The following TTLL6 variants were observed in gnomAD, a reference collection of about 807,000 sequenced individuals.
The protein encoded by TTLL6 is tubulin polyglutamylase TTLL6.
In TTLL6, 75 loss-of-function variants were observed where a neutral mutation model predicts 96.4. The ratio of observed to expected loss-of-function variants is 0.78; its 90% CI spans 0.65 to 0.94. The LOEUF (loss-of-function observed/expected upper bound fraction) is 0.94. Among genes scored for constraint, TTLL6 ranks in the 40% least tolerant of loss-of-function variants. The pLI is 0.00. For missense variants in TTLL6, 1,030 were observed against 1,093.0 expected (o/e 0.94, Z 0.81); for synonymous variants, 411 against 419.4 (o/e 0.98, Z 0.24).
chr17:48,796,597 C>A (rs190971626), intron 7 of TTLL6, among the ~76,000 whole-genome samples: 1 of 147,962 alleles, frequency 6.8e-6, no homozygotes, highest in Non-Finnish European at 1.5e-5. Flanking sequence ...CCAGCCTAGG[C>A]GACAAAGCGA....
At chr17:48,816,612 G>A (rs549043293) in intron 1 of TTLL6, among the ~76,000 whole-genome samples, 105 of 152,326 alleles carry the variant, frequency 6.9e-4, no homozygotes, top group African/African-American at 2.5e-3. Flanking sequence ...GACAAAGGAA[G>A]AACAGTGATG....
chr17:48,787,707 T>G, intron 11 of TTLL6, 104 bp downstream of exon 11: 1 of 1,242,738 alleles, frequency 8.0e-7, no homozygotes, highest in Non-Finnish European at 1.1e-6. Flanking sequence ...CTCTGGCAAC[T>G]TTCATGGCTG....
intron 10 of TTLL6, among the ~76,000 whole-genome samples, chr17:48,789,210 T>C (rs778171376): frequency 5.8e-4 from 88 of 152,174 alleles, no homozygotes; most frequent in South Asian, 1.4e-3. Flanking sequence ...TATATAGCTA[T>C]ATATCTGTAA....
At chr17:48,787,127 C>T (rs946325428) in intron 11 of TTLL6, among the ~76,000 whole-genome samples, 2 of 151,896 alleles carry the variant, frequency 1.3e-5, no homozygotes, top group African/African-American at 4.8e-5. Flanking sequence ...CCGCGCCTGG[C>T]CTGTCATCAT....
In TTLL6 at chr17:48,811,465, A is replaced by C. The variant is rs553086801; in HGVS notation, c.103+5505T>G. Among the ~76,000 whole-genome samples the C allele has an allele frequency of 7.9e-5, 12 of 152,156 alleles. No individual in the cohort carries two copies. In the South Asian group the frequency reaches 2.1e-3, roughly 26 times the overall value. On this transcript the variant is annotated intron_variant, in intron 1 of 15. Transcript: ENST00000393382. ...AGGCTGGTCTCAAATGCCTGGCCTCAGGAGATCCTCCTGCCTCAACCTTGG... is the reference window on the plus strand; with the variant it reads ...AGGCTGGTCTCAAATGCCTGGCCTCCGGAGATCCTCCTGCCTCAACCTTGG...
intron 5 of TTLL6, among the ~76,000 whole-genome samples, chr17:48,800,488 GACCTGATGGCAAAT>G (rs2039390370): frequency 6.6e-6 from 1 of 152,174 alleles, no homozygotes; most frequent in Admixed American, 6.5e-5. Context: ...AGCTCCTGTT[GACCTGATGGCAAAT>G]ACATTTCCTT....
At chr17:48,807,380 C>T (rs1309021661) in intron 1 of TTLL6, among the ~76,000 whole-genome samples, 2 of 151,978 alleles carry the variant, frequency 1.3e-5, no homozygotes, top group Admixed American at 6.6e-5. Context: ...TGTGAGCCAC[C>T]GTGCCCTGCC....
rs765952094 is a variant in TTLL6 at position 48,786,199 on chromosome 17, G to A, written c.1726C>T (p.Gln576Ter). Residue 576 changes from glutamine (Q) to a stop codon, truncating the protein, a stop_gained, in exon 12 of 16, where the codon CAG becomes TAG. Coordinates refer to ENST00000393382, the MANE Select transcript of TTLL6 (RefSeq NM_001130918.3). LOFTEE classifies it high-confidence loss of function. ...GMRGWQQKQQQKDKAATQASK... is the reference protein window; with the variant it reads ...GMRGWQQKQQ Reference sequence around the variant, plus strand: ...GCTTGGGTGGCGGCCTTGTCTTTCTGCTGTTGTTTCTGTTGCCAGCCCCTC... The same window carrying A: ...GCTTGGGTGGCGGCCTTGTCTTTCTACTGTTGTTTCTGTTGCCAGCCCCTC... 6.2e-7 allele frequency: 1 copy of A among 1,614,202 alleles called. No homozygotes were observed. The highest frequency in any genetic ancestry group is 8.5e-7 in the Non-Finnish European group (1 of 1,180,034).
At chr17:48,798,393 C>A (rs1239966986) in intron 6 of TTLL6, among the ~76,000 whole-genome samples, 2 of 152,048 alleles carry the variant, frequency 1.3e-5, no homozygotes, top group Non-Finnish European at 2.9e-5. Flanking sequence ...ATAGTGAAAC[C>A]CCGTCTCTAC....
At chr17:48,816,910 G>T in intron 1 of TTLL6, 60 bp downstream of exon 1, 1 of 1,316,442 alleles carries the variant, frequency 7.6e-7, no homozygotes, top group Non-Finnish European at 1.0e-6. Flanking sequence ...CAGGTTTTCA[G>T]GGGACAGGCA....
intron 12 of TTLL6, among the ~76,000 whole-genome samples, chr17:48,785,680 G>A (rs1038548470): frequency 6.6e-5 from 10 of 152,054 alleles, no homozygotes; most frequent in African/African-American, 2.4e-4. Context: ...ACTGGTCCAC[G>A]CTTTGCATAG....
chr17:48,763,875 A>G (rs1298398555), intron 15 of TTLL6, among the ~76,000 whole-genome samples: 2 of 152,180 alleles, frequency 1.3e-5, no homozygotes, highest in Admixed American at 6.5e-5. Flanking sequence ...GAGGCAGGAG[A>G]ATAGCTTGAA....
intron 7 of TTLL6, 140 bp from the exon 8 acceptor site, chr17:48,796,286 T>TA (rs1336744017): frequency 3.3e-6 from 2 of 601,920 alleles, no homozygotes; most frequent in East Asian, 6.0e-5. Context: ...TGTGGCAAAA[T>TA]ACAGGAAGTA....
Position 48,782,557 on chromosome 17 carries a change from T to C in TTLL6, c.2040+2366A>G, listed in dbSNP as rs142154167. Among the ~76,000 whole-genome samples the C allele has an allele frequency of 1.3e-4, 20 of 152,360 alleles. No individual in the cohort carries two copies. The East Asian group carries it at 3.9e-3, about 29-fold the overall frequency. ...TTTCAGTTTGACATGGTCTCATTTG[T>C]CTATTTTTGCTTCTGTTCACTGTGC... On this transcript the variant is annotated intron_variant, in intron 13 of 15. Coordinates refer to ENST00000393382, the MANE Select transcript of TTLL6 (RefSeq NM_001130918.3).
chr17:48,783,720 T>G (rs2143304210), intron 13 of TTLL6, among the ~76,000 whole-genome samples: 1 of 152,316 alleles, frequency 6.6e-6, no homozygotes, highest in Non-Finnish European at 1.5e-5. Flanking sequence ...CATGAGCCAC[T>G]GCACTCAGCT....
intron 1 of TTLL6, among the ~76,000 whole-genome samples, chr17:48,815,552 C>G (rs896078909): frequency 6.6e-6 from 1 of 152,156 alleles, no homozygotes; most frequent in Admixed American, 6.5e-5. Flanking sequence ...ATTACAGGAC[C>G]ACTAGGAGGA....
Position 48,799,638 on chromosome 17 carries a change from C to T in TTLL6, c.734G>A (p.Gly245Glu), listed in dbSNP as rs2039375866. 1.3e-6 allele frequency: 2 copies of T among 1,551,858 alleles called. No individual in the cohort carries two copies. Among genetic ancestry groups the T allele is most frequent in the Non-Finnish European group, 1.7e-6 (2 of 1,147,084 alleles). The change falls in exon 6 of 16, where the codon GGG (glycine) becomes GAG (glutamate). Residue 245 changes from glycine to glutamate, a missense_variant. Transcript: ENST00000393382. ...ATACAGCTGACAGATCATATCCTCCCCTGGTTTGATTTCTTTCACTGTCCG... is the reference window on the plus strand; with the variant it reads ...ATACAGCTGACAGATCATATCCTCCTCTGGTTTGATTTCTTTCACTGTCCG... ...ITRTVKEIKP[G>E]EDMICQLYIS...
chr17:48,807,953 C>T (rs1223666746), intron 1 of TTLL6, among the ~76,000 whole-genome samples: 9 of 152,104 alleles, frequency 5.9e-5, no homozygotes, highest in Non-Finnish European at 1.0e-4. Context: ...ATTCTCCTGC[C>T]TCAGCCTCCC....
chr17:48,805,816 T>C (rs887761839), intron 1 of TTLL6, among the ~76,000 whole-genome samples: 1 of 145,268 alleles, frequency 6.9e-6, no homozygotes, highest in Non-Finnish European at 1.5e-5. Context: ...CTATTAAAAA[T>C]ACAAAAAAAA....
Sources: allele counts gnomAD v4.1 joint callset (sites outside exome capture counted in the v4.1 genomes callset), GRCh38; gene constraint gnomAD v4.1.1; transcripts MANE v1.5; gene names NCBI Gene and HGNC (gene_info 2026-07-23, HGNC 2026-07-21).